The following MAN1C1 variants were observed in gnomAD, a reference collection of about 807,000 sequenced individuals.
MAN1C1 encodes mannosyl-oligosaccharide 1,2-alpha-mannosidase IC.
Under a neutral mutation model 71.5 loss-of-function variants are expected in MAN1C1, and 49 were observed. The ratio of observed to expected loss-of-function variants is 0.69; its 90% CI spans 0.54 to 0.87. The LOEUF (loss-of-function observed/expected upper bound fraction) is 0.87, where lower values mean the gene tolerates loss of function less well. MAN1C1 is among the 40% of genes least tolerant of loss of function. The pLI, the probability that MAN1C1 is intolerant of heterozygous loss-of-function variation, is 0.00. For synonymous variants in MAN1C1, 352 were observed against 343.7 expected (o/e 1.02, Z -0.27); for missense variants, 743 against 835.0 (o/e 0.89, Z 1.36).
At chr1:25,741,527 G>A (rs776216823) in intron 2 of MAN1C1, among the ~76,000 whole-genome samples, 38 of 152,198 alleles carry the variant, frequency 2.5e-4, no homozygotes, top group Non-Finnish European at 4.7e-4. Context: ...CTGCCCTCCT[G>A]CCGTCCCACT....
In MAN1C1 at chr1:25,768,072, CA is replaced by C. The variant is rs1416276478; in HGVS notation, c.1142-3584del. Among the ~76,000 whole-genome samples the C allele has an allele frequency of 2.2e-3, 48 of 22,054 alleles. 4 individuals carry two copies. Among genetic ancestry groups the C allele is most frequent in the East Asian group, 0.013 (1 of 76 alleles). The allele number at this position is 22,054 out of a possible 152,430, so 14.5% of individuals were successfully genotyped here. ...TCCACACTCCCCTCACACACACACA[CA>C]CTCCCCCCCACACACAGACCCACAC... is the stretch of plus-strand genomic sequence containing the variant. On this transcript the variant is annotated intron_variant, in intron 7 of 11. Coordinates refer to ENST00000374332, the MANE Select transcript of MAN1C1 (RefSeq NM_020379.4).
At chr1:25,783,485 A>G (rs1304016007) in intron 11 of MAN1C1, among the ~76,000 whole-genome samples, 178 bp from the exon 12 acceptor site, 6 of 152,132 alleles carry the variant, frequency 3.9e-5, no homozygotes, top group Admixed American at 3.9e-4. Flanking sequence ...CTGCAGCCAC[A>G]GCCTCCTTCC....
At chr1:25,729,149 A>G (rs529174433) in intron 2 of MAN1C1, among the ~76,000 whole-genome samples, 1 of 152,306 alleles carries the variant, frequency 6.6e-6, no homozygotes, top group Non-Finnish European at 1.5e-5. Context: ...AGTCTTTCCC[A>G]GGATGGCTCC....
chr1:25,748,425 G>C (rs1349611261), intron 3 of MAN1C1, among the ~76,000 whole-genome samples: 1 of 152,184 alleles, frequency 6.6e-6, no homozygotes, highest in East Asian at 1.9e-4. Flanking sequence ...GAACCCTCTG[G>C]GGCAAGGAGG....
intron 1 of MAN1C1, among the ~76,000 whole-genome samples, chr1:25,660,522 A>G (rs1304884647): frequency 6.8e-6 from 1 of 146,248 alleles, no homozygotes; most frequent in Non-Finnish European, 1.5e-5. Flanking sequence ...CCTCCCGAAT[A>G]GCTGGGACTA....
chr1:25,659,256 C>T (rs2045812938), intron 1 of MAN1C1: 2 of 152,268 alleles, frequency 1.3e-5, no homozygotes, highest in Non-Finnish European at 2.9e-5. Context: ...CCCACACTCC[C>T]TGGGGCTTAC....
At chr1:25,632,570 TC>T in intron 1 of MAN1C1, among the ~76,000 whole-genome samples, 1 of 152,312 alleles carries the variant, frequency 6.6e-6, no homozygotes, top group African/African-American at 2.4e-5. Flanking sequence ...TTTCTGTAGT[TC>T]CTTGAGGTGT....
rs552978425 is a variant in MAN1C1, at chr1:25,686,354, C to A, written c.541-86C>A. 3 of 1,088,414 alleles carry A rather than the reference C, an allele frequency of 2.8e-6. No homozygotes were observed. The East Asian group carries it at 7.1e-5, about 26-fold the overall frequency. The allele number at this position is 1,088,414 out of a possible 1,614,324, so 67.4% of individuals were successfully genotyped here. On this transcript the variant is annotated intron_variant, in intron 1 of 11. Coordinates refer to ENST00000374332, the MANE Select transcript of MAN1C1 (RefSeq NM_020379.4). ...AAGGTTATCTTTTAGTTTAAAAACA[C>A]GTTGCAAGGGGCAAAGCCAGGCGGC...
intron 1 of MAN1C1, among the ~76,000 whole-genome samples, chr1:25,644,172 A>G (rs1228505602): frequency 6.6e-6 from 1 of 152,130 alleles, no homozygotes; most frequent in African/African-American, 2.4e-5. Flanking sequence ...GACGTGAGCC[A>G]TGGGCGTGGG....
chr1:25,714,065 C>A lies in MAN1C1; in HGVS notation c.637+27529C>A, dbSNP rs558820725. On this transcript the variant is annotated intron_variant, in intron 2 of 11. Transcript: ENST00000374332. ...TTTAAAATGCAGCGTAGCAGAGAGT[C>A]AGTTCAAATTATTCTCTTAATAGAG... 3.3e-5 allele frequency among the ~76,000 whole-genome samples: 5 copies of A among 152,320 alleles called. 1 individual carries two copies. In the South Asian group the frequency reaches 1.0e-3, roughly 32 times the overall value.
At chr1:25,741,610 C>T (rs956880282) in intron 2 of MAN1C1, among the ~76,000 whole-genome samples, 2 of 152,038 alleles carry the variant, frequency 1.3e-5, no homozygotes, top group African/African-American at 4.8e-5. Flanking sequence ...CGCATGAGTC[C>T]ATTAGCATGA....
chr1:25,624,144 G>A (rs1228755722), intron 1 of MAN1C1, among the ~76,000 whole-genome samples: 1 of 152,176 alleles, frequency 6.6e-6, no homozygotes. Flanking sequence ...TGCAGATGAT[G>A]GTAAGAAGCC....
At chr1:25,633,996 G>T (rs1016576241) in intron 1 of MAN1C1, among the ~76,000 whole-genome samples, 2 of 152,114 alleles carry the variant, frequency 1.3e-5, no homozygotes, top group South Asian at 2.1e-4. Flanking sequence ...CCATGTAAAT[G>T]ATATTCTTTA....
At chr1:25,691,697 G>GT (rs1223049170) in intron 2 of MAN1C1, among the ~76,000 whole-genome samples, 2 of 152,156 alleles carry the variant, frequency 1.3e-5, no homozygotes, top group Admixed American at 6.5e-5. Flanking sequence ...GATTCCCCCT[G>GT]TTTTTTCCCC....
intron 7 of MAN1C1, among the ~76,000 whole-genome samples, chr1:25,765,740 T>C (rs548396203): frequency 1.4e-4 from 22 of 152,240 alleles, no homozygotes; most frequent in South Asian, 4.2e-4. Flanking sequence ...AGAGGCAGCA[T>C]TGGGGACACT....
chr1:25,660,294 G>A (rs146701335), intron 1 of MAN1C1, among the ~76,000 whole-genome samples: 3,243 of 151,984 alleles, frequency 0.021, 187 homozygotes, highest in East Asian at 0.17. Context: ...TCAGCTACTC[G>A]TGAGGCTGAA....
At chr1:25,731,336 G>GTCATCATCATCA (rs61554526) in intron 2 of MAN1C1, among the ~76,000 whole-genome samples, 4 of 150,540 alleles carry the variant, frequency 2.7e-5, no homozygotes, top group African/African-American at 9.8e-5. Context: ...CATCATCATC[G>GTCATCATCATCA]TCATCATCAT....
chr1:25,778,225 G>T lies in MAN1C1; in HGVS notation c.1378G>T (p.Ala460Ser). 6.2e-7 allele frequency: 1 copy of T among 1,614,018 alleles called. No individual in the cohort carries two copies. Among genetic ancestry groups the T allele is most frequent in the Non-Finnish European group, 8.5e-7 (1 of 1,179,958 alleles). Residue 460 changes from alanine (A) to serine (S), a missense_variant, in exon 9 of 12, where the codon GCC (alanine) becomes TCC (serine). Coordinates refer to ENST00000374332, the MANE Select transcript of MAN1C1 (RefSeq NM_020379.4). This position sits in a 1 kb window ranked among gnomAD's most constrained non-coding sequence, Gnocchi z 5.5. The part of the protein sequence containing the change: ...HLACFSGGMI[A>S]LGAEDAKEEK... ...GGCCTGTTTCTCCGGGGGCATGATCGCCCTTGGCGCCGAGGATGCCAAGGA... is the reference window on the plus strand; with the variant it reads ...GGCCTGTTTCTCCGGGGGCATGATCTCCCTTGGCGCCGAGGATGCCAAGGA...
rs719687 is a variant in MAN1C1, at chr1:25,764,824, C to T, written c.1141+857C>T. ...GCACCTGACGGGAGGCCGAGGCAGGCGGATCACGAGGTCAGGAGTTCTAGA... is the reference window on the plus strand; with the variant it reads ...GCACCTGACGGGAGGCCGAGGCAGGTGGATCACGAGGTCAGGAGTTCTAGA... On this transcript the variant is annotated intron_variant, in intron 7 of 11. Coordinates refer to ENST00000374332, the MANE Select transcript of MAN1C1 (RefSeq NM_020379.4). This position sits in a 1 kb window ranked among gnomAD's most constrained non-coding sequence, Gnocchi z 4.4. 0.049 allele frequency among the ~76,000 whole-genome samples: 7,399 copies of T among 152,092 alleles called. 542 individuals are homozygous for T. Among genetic ancestry groups the T allele is most frequent in the African/African-American group, 0.16 (6,799 of 41,472 alleles).
Sources: gnomAD v4.1 joint callset for allele counts (sites outside exome capture counted in the v4.1 genomes callset) on GRCh38, gnomAD v4.1.1 for gene constraint, Gnocchi (gnomAD v3.1) non-coding constraint, MANE v1.5 for transcripts, NCBI Gene and HGNC (gene_info 2026-07-23, HGNC 2026-07-21) for gene names.